The following PLD5 variants were observed in gnomAD, a reference collection of about 807,000 sequenced individuals.
PLD5 encodes the protein inactive phospholipase D5.
In PLD5, 36 loss-of-function variants were observed where a neutral mutation model predicts 61.1. That is an observed-to-expected ratio of 0.59 (90% CI 0.45 to 0.78). PLD5 has a LOEUF of 0.78. Among genes scored for constraint, PLD5 ranks in the 30% least tolerant of loss-of-function variants. PLD5 has a pLI of 0.00. For synonymous variants in PLD5, 243 were observed against 242.8 expected (o/e 1.00, Z -0.01); for missense variants, 515 against 644.4 (o/e 0.80, Z 2.17).
At chr1:242,161,346 A>C (rs1665810275) in intron 5 of PLD5, among the ~76,000 whole-genome samples, 1 of 152,090 alleles carries the variant, frequency 6.6e-6, no homozygotes, top group Non-Finnish European at 1.5e-5. Flanking sequence ...CTACCATGAG[A>C]ACAGCATGGG....
At chr1:242,252,041 A>G (rs1258115454) in intron 4 of PLD5, among the ~76,000 whole-genome samples, 1 of 152,216 alleles carries the variant, frequency 6.6e-6, no homozygotes, top group African/African-American at 2.4e-5. Context: ...TAGGAGACAT[A>G]GAGTGTGAGT....
At chr1:242,114,125 A>G (rs970675789) in intron 6 of PLD5, 99 bp from the exon 7 acceptor site, 1 of 1,353,458 alleles carries the variant, frequency 7.4e-7, no homozygotes, top group Admixed American at 2.4e-5. Context: ...TTGTAACTAT[A>G]TTTTTGCAAA....
At chr1:242,269,915 G>A (rs1181368146) in intron 3 of PLD5, among the ~76,000 whole-genome samples, 2 of 152,150 alleles carry the variant, frequency 1.3e-5, no homozygotes, top group Non-Finnish European at 2.9e-5. Flanking sequence ...ATATGCCAAA[G>A]GGGTCTATTT....
In PLD5 at chr1:242,431,191, A is replaced by G. The variant is rs143649955; in HGVS notation, c.190-82949T>C. On this transcript the variant is annotated intron_variant, in intron 1 of 9. Coordinates refer to ENST00000536534, the MANE Select transcript of PLD5 (RefSeq NM_001372062.1). The stretch of plus-strand genomic sequence containing the variant: ...CCCAGAACTCATTTTGTCATGCAAA[A>G]CTGGAACTCTGCATGCATTGAACAA... 2.2e-4 allele frequency among the ~76,000 whole-genome samples: 34 copies of G among 152,304 alleles called. 1 individual carries two copies. Among genetic ancestry groups the G allele is most frequent in the African/African-American group, 7.5e-4 (31 of 41,562 alleles).
chr1:242,137,482 A>C (rs1218695892), intron 5 of PLD5, among the ~76,000 whole-genome samples: 1 of 152,164 alleles, frequency 6.6e-6, no homozygotes, highest in Non-Finnish European at 1.5e-5. Flanking sequence ...ATATTGTCTT[A>C]AAAAACAGCC....
intron 5 of PLD5, chr1:242,177,923 T>G (rs1417895544): frequency 6.6e-6 from 1 of 152,216 alleles, no homozygotes; most frequent in Non-Finnish European, 1.5e-5. Context: ...GTGCAAAGAT[T>G]CAGGCTCTGA....
chr1:242,271,557 G>A (rs1674086457), intron 3 of PLD5, among the ~76,000 whole-genome samples: 1 of 152,102 alleles, frequency 6.6e-6, no homozygotes. Flanking sequence ...CCAGCTGCAA[G>A]TACATGGTTG....
At chr1:242,403,446 TC>T (rs1358087061) in intron 1 of PLD5, among the ~76,000 whole-genome samples, 3 of 149,146 alleles carry the variant, frequency 2.0e-5, no homozygotes, top group African/African-American at 7.4e-5. Context: ...TTCAAGCTTC[TC>T]CCCATCAGTT....
At chr1:242,103,086 T>C (rs1414785260) in intron 8 of PLD5, among the ~76,000 whole-genome samples, 2 of 152,090 alleles carry the variant, frequency 1.3e-5, no homozygotes, top group Non-Finnish European at 2.9e-5. Flanking sequence ...AGAGGAGAAT[T>C]TGGAAAAGGA....
chr1:242,278,580 G>A (rs1674542489), intron 3 of PLD5, among the ~76,000 whole-genome samples: 1 of 152,184 alleles, frequency 6.6e-6, no homozygotes, highest in Admixed American at 6.5e-5. Flanking sequence ...TGTGAGCTCT[G>A]CTGCACAGTT....
At chr1:242,492,055 TTTC>T (rs1668172483) in intron 1 of PLD5, among the ~76,000 whole-genome samples, 1 of 152,210 alleles carries the variant, frequency 6.6e-6, no homozygotes, top group African/African-American at 2.4e-5. Context: ...CATCTATTTA[TTTC>T]TTATTTTCCT....
At chr1:242,434,925 G>C (rs1257208901) in intron 1 of PLD5, among the ~76,000 whole-genome samples, 1 of 152,088 alleles carries the variant, frequency 6.6e-6, no homozygotes, top group Admixed American at 6.5e-5. Context: ...GTGCAGGTTT[G>C]TTACATAGGT....
intron 5 of PLD5, among the ~76,000 whole-genome samples, chr1:242,179,775 T>C (rs374742674): frequency 3.3e-5 from 5 of 152,272 alleles, no homozygotes; most frequent in South Asian, 4.1e-4. Context: ...TGGTGGTGCA[T>C]GGCAGTGGTC....
In PLD5 at chr1:242,343,157, A is replaced by AAGT. The variant is rs1209643962; in HGVS notation, c.326+4948_326+4949insACT. Among the ~76,000 whole-genome samples the AAGT allele has an allele frequency of 3.3e-5, 5 of 152,030 alleles. No individual in the cohort carries two copies. In the East Asian group the frequency reaches 9.7e-4, roughly 30 times the overall value. ...AAGAGGTCTTGGGGAGAGACTGTCA[A>AAGT]AACTGTGATGAGATGCTGACAGACT... On this transcript the variant is annotated intron_variant, in intron 2 of 9. Coordinates refer to ENST00000536534, the MANE Select transcript of PLD5 (RefSeq NM_001372062.1).
At chr1:242,397,328 C>T (rs1572063756) in intron 1 of PLD5, among the ~76,000 whole-genome samples, 1 of 141,824 alleles carries the variant, frequency 7.1e-6, no homozygotes. Context: ...TTATCCTTGA[C>T]TTCTGTTTTT....
chr1:242,133,104 C>A (rs989397103), intron 5 of PLD5, among the ~76,000 whole-genome samples: 9 of 149,978 alleles, frequency 6.0e-5, no homozygotes, highest in Non-Finnish European at 1.3e-4. Context: ...TCTGACTGGT[C>A]CCCTCCCGCA....
At chr1:242,167,764 A>G (rs1037615867) in intron 5 of PLD5, among the ~76,000 whole-genome samples, 2 of 152,226 alleles carry the variant, frequency 1.3e-5, no homozygotes, top group Admixed American at 1.3e-4. Context: ...ATACATCCAT[A>G]GATGTGGATT....
chr1:242,311,099 C>T (rs938973166), intron 2 of PLD5, among the ~76,000 whole-genome samples: 7 of 152,080 alleles, frequency 4.6e-5, no homozygotes, highest in Non-Finnish European at 8.8e-5. Context: ...CACAATCATA[C>T]CCTTACAATG....
chr1:242,161,466 CA>C (rs1665821906), intron 5 of PLD5, among the ~76,000 whole-genome samples: 1 of 45,348 alleles, frequency 2.2e-5, no homozygotes, highest in African/African-American at 1.9e-4. Flanking sequence ...CCTGTGGGAA[CA>C]GAAAAAAAAA....
Sources: allele counts gnomAD v4.1 joint callset (sites outside exome capture counted in the v4.1 genomes callset), GRCh38; gene constraint gnomAD v4.1.1; transcripts MANE v1.5; gene names NCBI Gene and HGNC (gene_info 2026-07-23, HGNC 2026-07-21).